The following CCDC63 variants were observed in gnomAD, a reference collection of about 807,000 sequenced individuals.
The protein encoded by CCDC63 is coiled-coil domain containing 63.
Under a neutral mutation model 63.6 loss-of-function variants are expected in CCDC63, and 54 were observed. The observed-to-expected ratio is 0.85, with a 90% CI of 0.68 to 1.07. The LOEUF is 1.07. Among genes scored for constraint, CCDC63 ranks in the 50% least tolerant of loss-of-function variants. The pLI, the probability that CCDC63 is intolerant of heterozygous loss-of-function variation, is 0.00. For missense variants in CCDC63, 637 were observed against 689.6 expected (o/e 0.92, Z 0.86); for synonymous variants, 253 against 266.1 (o/e 0.95, Z 0.48).
intron 11 of CCDC63, among the ~76,000 whole-genome samples, chr12:110,906,029 TTATAATAA>T (rs2071573046): frequency 5.1e-5 from 1 of 19,696 alleles, no homozygotes; most frequent in East Asian, 9.4e-4. Context: ...ATATTATATA[TTATAATAA>T]TATAATATAT....
chr12:110,857,840 C>T (rs994576908), intron 3 of CCDC63, among the ~76,000 whole-genome samples: 1 of 152,150 alleles, frequency 6.6e-6, no homozygotes, highest in African/African-American at 2.4e-5. Flanking sequence ...GGCACGGTGG[C>T]TCATGTCTGT....
chr12:110,879,861 CA>C, intron 5 of CCDC63, 44 bp from the exon 6 acceptor site: 1 of 1,594,868 alleles, frequency 6.3e-7, no homozygotes, highest in Non-Finnish European at 8.6e-7. Flanking sequence ...GCTTATCTTA[CA>C]AAACAGAAAT....
At chr12:110,865,298 G>A (rs1311900606) in intron 4 of CCDC63, among the ~76,000 whole-genome samples, 1 of 152,076 alleles carries the variant, frequency 6.6e-6, no homozygotes, top group Non-Finnish European at 1.5e-5. Flanking sequence ...TCTTTCATCA[G>A]AGCGCTGTGG....
intron 4 of CCDC63, among the ~76,000 whole-genome samples, chr12:110,868,273 T>C: frequency 8.5e-6 from 1 of 117,626 alleles, no homozygotes; most frequent in Non-Finnish European, 1.8e-5. Context: ...GAGGGGCTCC[T>C]CACATCCCAG....
intron 10 of CCDC63, 68 bp from the exon 11 acceptor site, chr12:110,904,520 C>A: frequency 7.1e-7 from 1 of 1,399,972 alleles, no homozygotes; most frequent in South Asian, 1.2e-5. Flanking sequence ...GCAGTGGTGG[C>A]ACCACCCACA....
At chr12:110,896,089 A>G (rs17191922) in intron 9 of CCDC63, among the ~76,000 whole-genome samples, 32,344 of 152,174 alleles carry the variant, frequency 0.21, 3,754 homozygotes, top group Admixed American at 0.28. Context: ...CTTTTAAAAA[A>G]TGAATCCTGT....
At chr12:110,856,761 C>A (rs1446340234) in intron 3 of CCDC63, among the ~76,000 whole-genome samples, 2 of 151,858 alleles carry the variant, frequency 1.3e-5, no homozygotes, top group Non-Finnish European at 2.9e-5. Context: ...GTAATTAAAT[C>A]TCTATTGGCA....
chr12:110,886,067 G>T (rs536637745), intron 8 of CCDC63, among the ~76,000 whole-genome samples: 3 of 152,144 alleles, frequency 2.0e-5, no homozygotes, highest in Non-Finnish European at 4.4e-5. Context: ...ATCAATTAGG[G>T]TTGTCACAGG....
intron 9 of CCDC63, among the ~76,000 whole-genome samples, chr12:110,894,016 G>A (rs1406945296): frequency 1.3e-5 from 2 of 150,108 alleles, no homozygotes; most frequent in East Asian, 3.9e-4. Context: ...AAGGAAATAA[G>A]TCTGGAAATA....
chr12:110,885,985 C>T (rs1199750415), intron 8 of CCDC63, among the ~76,000 whole-genome samples: 1 of 152,088 alleles, frequency 6.6e-6, no homozygotes, highest in African/African-American at 2.4e-5. Context: ...AACATAATGG[C>T]TTGGTTTACA....
At chr12:110,866,607 A>G (rs1460087792) in intron 4 of CCDC63, among the ~76,000 whole-genome samples, 1 of 150,762 alleles carries the variant, frequency 6.6e-6, no homozygotes, top group Non-Finnish European at 1.5e-5. Context: ...TGGACACAGC[A>G]CATGTTTCAG....
chr12:110,871,180 T>G (rs888980124), intron 4 of CCDC63, among the ~76,000 whole-genome samples: 1 of 152,094 alleles, frequency 6.6e-6, no homozygotes, highest in African/African-American at 2.4e-5. Flanking sequence ...CTTGCTCTGT[T>G]GCCCAGGCTG....
chr12:110,880,171 C>A, intron 6 of CCDC63, 84 bp downstream of exon 6: 1 of 1,189,680 alleles, frequency 8.4e-7, no homozygotes, highest in South Asian at 1.4e-5. Flanking sequence ...CCACCACTGT[C>A]CCTGGTCGTT....
intron 1 of CCDC63, among the ~76,000 whole-genome samples, chr12:110,850,936 T>A (rs2070698006): frequency 1.3e-5 from 2 of 152,120 alleles, no homozygotes; most frequent in African/African-American, 4.8e-5. Context: ...ACCTCCAACT[T>A]TTCTTCTCTG....
At chr12:110,849,314 G>A (rs961294042) in intron 1 of CCDC63, among the ~76,000 whole-genome samples, 1 of 152,118 alleles carries the variant, frequency 6.6e-6, no homozygotes, top group African/African-American at 2.4e-5. Flanking sequence ...CAGGGATGGG[G>A]CAGTAGCCAA....
chr12:110,898,111 A>G (rs1002800940), intron 9 of CCDC63, among the ~76,000 whole-genome samples: 3 of 151,576 alleles, frequency 2.0e-5, no homozygotes, highest in African/African-American at 7.3e-5. Flanking sequence ...GTGAAACCCC[A>G]TCTCTAAAAA....
At chr12:110,856,844 C>CTTTT (rs34855503) in intron 3 of CCDC63, among the ~76,000 whole-genome samples, 34 of 115,460 alleles carry the variant, frequency 2.9e-4, no homozygotes, top group Non-Finnish European at 3.3e-4. Context: ...CCTTTCCTTT[C>CTTTT]TTTTTTTTTT....
At chr12:110,881,059 A>G in intron 6 of CCDC63, 56 bp from the exon 7 acceptor site, 2 of 1,479,550 alleles carry the variant, frequency 1.4e-6, no homozygotes, top group Non-Finnish European at 1.8e-6. Context: ...TGGCAGGGAA[A>G]GGGAAGTAGA....
intron 4 of CCDC63, among the ~76,000 whole-genome samples, chr12:110,869,903 T>G (rs1457065296): frequency 6.6e-6 from 1 of 152,226 alleles, no homozygotes; most frequent in Non-Finnish European, 1.5e-5. Context: ...TCAATTATTT[T>G]TAATAAGCTT....
Sources: allele counts gnomAD v4.1 joint callset (sites outside exome capture counted in the v4.1 genomes callset), GRCh38; gene constraint gnomAD v4.1.1; transcripts MANE v1.5; gene names NCBI Gene and HGNC (gene_info 2026-07-23, HGNC 2026-07-21).